ATF6: variants seen among roughly 807,000 people sequenced by gnomAD.
The protein encoded by ATF6 is cyclic AMP-dependent transcription factor ATF-6 alpha.
In ATF6, 53 loss-of-function variants were observed where a neutral mutation model predicts 83.6. The ratio of observed to expected loss-of-function variants is 0.63; its 90% CI spans 0.51 to 0.80. ATF6 has a LOEUF of 0.80. Ranked by LOEUF, ATF6 falls within the 30% of genes least tolerant of loss-of-function variation. ATF6 has a pLI of 0.00. For synonymous variants in ATF6, 288 were observed against 285.8 expected, an observed-to-expected ratio of 1.01 and a Z score of -0.08; for missense variants, 744 against 797.9, an observed-to-expected ratio of 0.93 and a Z score of 0.81.
chr1:161,774,763 C>G (rs1178618802), intron 1 of ATF6, among the ~76,000 whole-genome samples: 1 of 152,200 alleles, frequency 6.6e-6, no homozygotes, highest in Non-Finnish European at 1.5e-5. Context: ...AGACACCATT[C>G]AAAGTTTGCC....
chr1:161,819,164 A>G (rs1315096708), intron 7 of ATF6, among the ~76,000 whole-genome samples: 1 of 152,224 alleles, frequency 6.6e-6, no homozygotes, highest in Non-Finnish European at 1.5e-5. Flanking sequence ...TAGAAAATGG[A>G]TAGATTTTTA....
intron 9 of ATF6, among the ~76,000 whole-genome samples, chr1:161,826,364 A>G (rs1685898477): frequency 6.6e-6 from 1 of 152,212 alleles, no homozygotes; most frequent in Non-Finnish European, 1.5e-5. Flanking sequence ...TGCTGAAGTA[A>G]AGGTGGGGAT....
At chr1:161,919,517 G>A (rs1458367476) in intron 15 of ATF6, among the ~76,000 whole-genome samples, 1 of 152,144 alleles carries the variant, frequency 6.6e-6, no homozygotes, top group Non-Finnish European at 1.5e-5. Flanking sequence ...ATTTTTTAGT[G>A]ATATGTTTGT....
Position 161,766,343 on chromosome 1 carries a change from G to A in ATF6, c.-18G>A, listed in dbSNP as rs1360555850. Reference sequence around the variant, plus strand: ...CCAGATATTAATCACGGAGTTCCAGGGAGAAGGAACTTGTGAAATGGGGGA... The same window carrying A: ...CCAGATATTAATCACGGAGTTCCAGAGAGAAGGAACTTGTGAAATGGGGGA... On this transcript the variant is annotated 5_prime_UTR_variant, in exon 1 of 16. Transcript: ENST00000367942. 1 of 1,610,094 alleles carries A rather than the reference G, an allele frequency of 6.2e-7. No individual in the cohort carries two copies. Among genetic ancestry groups the A allele is most frequent in the East Asian group, 2.2e-5 (1 of 44,866 alleles).
chr1:161,944,641 A>G (rs1279461624), intron 15 of ATF6, among the ~76,000 whole-genome samples: 1 of 152,220 alleles, frequency 6.6e-6, no homozygotes, highest in East Asian at 1.9e-4. Flanking sequence ...AGGATCAGCA[A>G]GCATGTCAAG....
Position 161,863,215 on chromosome 1 carries a change from A to G in ATF6, c.1622A>G (p.Glu541Gly), listed in dbSNP as rs1394763695. The change falls in exon 14 of 16, where the codon GAG becomes GGG. Residue 541 changes from glutamate to glycine, a missense_variant. By Grantham distance (98) the Glu-to-Gly change is moderately conservative. Coordinates refer to ENST00000367942, the MANE Select transcript of ATF6 (RefSeq NM_007348.4). ...TSSISRNSGS[E>G]LQVYYASPRS... The stretch of plus-strand genomic sequence containing the variant: ...TACTTTAGCAGGAACTCAGGGAGTG[A>G]GCTACAAGTGTATTATGCTTCACCC... 1 of 1,605,648 alleles carries G rather than the reference A, an allele frequency of 6.2e-7. No homozygotes were observed. Among genetic ancestry groups the G allele is most frequent in the Non-Finnish European group, 8.5e-7 (1 of 1,173,580 alleles).
At chr1:161,785,898 C>T (rs1176187757) in intron 4 of ATF6, among the ~76,000 whole-genome samples, 1 of 151,338 alleles carries the variant, frequency 6.6e-6, no homozygotes, top group East Asian at 1.9e-4. Context: ...TAAATAATAT[C>T]TATTCATATG....
At chr1:161,776,095 C>T (rs1189457461) in intron 1 of ATF6, among the ~76,000 whole-genome samples, 1 of 152,178 alleles carries the variant, frequency 6.6e-6, no homozygotes, top group African/African-American at 2.4e-5. Context: ...GCTCTTAAAT[C>T]CTTTCTCAGA....
At chr1:161,900,335 G>C (rs997685341) in intron 14 of ATF6, among the ~76,000 whole-genome samples, 1 of 152,088 alleles carries the variant, frequency 6.6e-6, no homozygotes, top group African/African-American at 2.4e-5. Flanking sequence ...TATGGACGAC[G>C]TGAGGAATAG....
At chr1:161,838,656 A>G (rs1686280227) in intron 9 of ATF6, among the ~76,000 whole-genome samples, 1 of 152,182 alleles carries the variant, frequency 6.6e-6, no homozygotes, top group Non-Finnish European at 1.5e-5. Flanking sequence ...TCCAAGAATA[A>G]GCATCATCTA....
At position 161,773,157 on chromosome 1, in the gene ATF6, A is replaced by G. The variant is rs566161364; in HGVS notation, c.83-5087A>G. ...CTTTTTGTATTTTTTTTTTTTTGAG[A>G]CGGAGTCTCTCTCTGTTACCCAGGC... On this transcript the variant is annotated intron_variant, in intron 1 of 15. Coordinates refer to ENST00000367942, the MANE Select transcript of ATF6 (RefSeq NM_007348.4). 2.1e-4 allele frequency among the ~76,000 whole-genome samples: 24 copies of G among 112,514 alleles called. No homozygotes were observed. In the East Asian group the frequency reaches 7.3e-3, roughly 34 times the overall value. 73.8% of individuals were successfully genotyped at this position (112,514 alleles called of 152,430 possible).
At position 161,963,303 on chromosome 1, in the gene ATF6, T is replaced by C. The variant is rs1267950282; in HGVS notation, c.*4649T>C. 6.6e-6 allele frequency: 1 copy of C among 152,240 alleles called. No homozygotes were observed. Among genetic ancestry groups the C allele is most frequent in the Non-Finnish European group, 1.5e-5 (1 of 68,044 alleles). 9.4% of individuals were successfully genotyped at this position (152,240 alleles called of 1,614,324 possible). On this transcript the variant is annotated 3_prime_UTR_variant, in exon 16 of 16. Coordinates refer to ENST00000367942, the MANE Select transcript of ATF6 (RefSeq NM_007348.4). ...GTGTTATTAGATGCAATAGAATTTA[T>C]GAAAAGAAGAATGACAAAGGTATCT...
chr1:161,922,597 C>A (rs1216719961), intron 15 of ATF6, among the ~76,000 whole-genome samples: 10 of 151,738 alleles, frequency 6.6e-5, no homozygotes, highest in African/African-American at 1.2e-4. Flanking sequence ...GTAGAGAAGA[C>A]CTTTTTGATT....
chr1:161,859,394 T>G lies in ATF6; in HGVS notation c.1534-813T>G, dbSNP rs1686832851. Among the ~76,000 whole-genome samples the G allele has an allele frequency of 2.6e-5, 4 of 152,360 alleles. No homozygotes were observed. The South Asian group carries it at 8.3e-4, about 32-fold the overall frequency. ...CTTCCCAGTTAAACTGCGAGCTTCT[T>G]AAAGGCAGAAGTCAAATATTTAATT... On this transcript the variant is annotated intron_variant, in intron 12 of 15. Coordinates refer to ENST00000367942, the MANE Select transcript of ATF6 (RefSeq NM_007348.4).
intron 7 of ATF6, among the ~76,000 whole-genome samples, chr1:161,812,388 TTTTTTTTTTTTTTTTTTTTTTTG>T (rs1685495001): frequency 9.6e-6 from 1 of 104,194 alleles, no homozygotes; most frequent in African/African-American, 4.2e-5. Flanking sequence ...TTTTTTTTTT[TTTTTTTTTTTTTTTTTTTTTTTG>T]AGACGGAGTC....
At chr1:161,865,957 C>T (rs1016798593) in intron 14 of ATF6, among the ~76,000 whole-genome samples, 1 of 147,228 alleles carries the variant, frequency 6.8e-6, no homozygotes, top group African/African-American at 2.5e-5. Flanking sequence ...TAATAAATTA[C>T]CTCATGCTTG....
intron 9 of ATF6, among the ~76,000 whole-genome samples, chr1:161,827,098 A>AT (rs1217212890): frequency 1.3e-5 from 2 of 151,666 alleles, no homozygotes; most frequent in African/African-American, 2.4e-5. Context: ...TGCCCAGCTA[A>AT]TTTTTTGTAT....
At chr1:161,797,789 T>G (rs987504540) in intron 6 of ATF6, among the ~76,000 whole-genome samples, 1 of 152,130 alleles carries the variant, frequency 6.6e-6, no homozygotes, top group Non-Finnish European at 1.5e-5. Context: ...AAACTATCAA[T>G]GACATTTTTC....
At chr1:161,957,767 A>G (rs951277342) in intron 15 of ATF6, among the ~76,000 whole-genome samples, 1 of 152,168 alleles carries the variant, frequency 6.6e-6, no homozygotes, top group African/African-American at 2.4e-5. Flanking sequence ...TGTACTTGAC[A>G]CTTTGTGCCT....
Sources: allele counts gnomAD v4.1 joint callset (sites outside exome capture counted in the v4.1 genomes callset), GRCh38; gene constraint gnomAD v4.1.1; transcripts MANE v1.5; gene names NCBI Gene and HGNC (gene_info 2026-07-23, HGNC 2026-07-21).